ANO2: variants seen among roughly 807,000 people sequenced by gnomAD.
ANO2 encodes the protein anoctamin-2.
In ANO2, 101 loss-of-function variants were observed where a neutral mutation model predicts 124.2. The ratio of observed to expected loss-of-function variants is 0.81; its 90% CI spans 0.69 to 0.96. The LOEUF (loss-of-function observed/expected upper bound fraction) is 0.96, where lower values mean the gene tolerates loss of function less well. Ranked by LOEUF, ANO2 falls within the 40% of genes least tolerant of loss-of-function variation. The pLI, the probability that ANO2 is intolerant of heterozygous loss-of-function variation, is 0.00. For synonymous variants in ANO2, 486 were observed against 482.5 expected, an observed-to-expected ratio of 1.01 and a Z score of -0.09; for missense variants, 1,293 against 1,274.5, an observed-to-expected ratio of 1.01 and a Z score of -0.22.
At chr12:5,673,309 CT>C (rs1948095755) in intron 14 of ANO2, among the ~76,000 whole-genome samples, 1 of 152,164 alleles carries the variant, frequency 6.6e-6, no homozygotes, top group South Asian at 2.1e-4. Flanking sequence ...GGAATCTAGC[CT>C]GCTGACTTTT....
intron 3 of ANO2, among the ~76,000 whole-genome samples, chr12:5,918,542 C>T (rs1016714926): frequency 3.3e-5 from 5 of 151,548 alleles, no homozygotes; most frequent in African/African-American, 1.2e-4. Context: ...CGGGTTCAAG[C>T]GATTCTTCTG....
chr12:5,647,892 T>A lies in ANO2; in HGVS notation c.1546-91A>T, dbSNP rs1406107694. ...TTTGCATATATTTGCATGCGATTGA[T>A]CATTATCACTCTATATAGATATATT... On this transcript the variant is annotated intron_variant, in intron 14 of 24. Transcript: ENST00000682330. The A allele has an allele frequency of 4.5e-6, 4 of 898,848 alleles. No individual in the cohort carries two copies. In the Admixed American group the frequency reaches 8.0e-5, roughly 18 times the overall value. The allele number at this position is 898,848 out of a possible 1,614,324, so 55.7% of individuals were successfully genotyped here.
chr12:5,814,194 G>A (rs1257795852), intron 7 of ANO2, among the ~76,000 whole-genome samples: 1 of 152,220 alleles, frequency 6.6e-6, no homozygotes, highest in Non-Finnish European at 1.5e-5. Context: ...GTCTAGGGAT[G>A]ATAAGAGCTC....
At chr12:5,855,040 A>G (rs1955057524) in intron 3 of ANO2, among the ~76,000 whole-genome samples, 1 of 152,098 alleles carries the variant, frequency 6.6e-6, no homozygotes, top group Non-Finnish European at 1.5e-5. Context: ...AAAACCAAGT[A>G]GGAAAAACTG....
rs535836495 is a variant in ANO2, at chr12:5,906,820, A to AAT, written c.534+14219_534+14220insAT. On this transcript the variant is annotated intron_variant, in intron 3 of 24. Transcript: ENST00000682330. The stretch of plus-strand genomic sequence containing the variant: ...AAATAAATAAATAAATAAATAAATA[A>AAT]AAATAAAATAAATAGAAATAAAAAT... Among the ~76,000 whole-genome samples the AAT allele has an allele frequency of 2.3e-3, 348 of 151,564 alleles. 3 individuals carry two copies. Among genetic ancestry groups the AAT allele is most frequent in the African/African-American group, 8.0e-3 (332 of 41,260 alleles).
intron 3 of ANO2, among the ~76,000 whole-genome samples, chr12:5,885,823 C>A (rs947323952): frequency 1.3e-5 from 2 of 152,168 alleles, no homozygotes; most frequent in Admixed American, 1.3e-4. Context: ...CAGACCCTGA[C>A]CATGAATCAA....
At chr12:5,778,471 C>G (rs902068825) in intron 10 of ANO2, among the ~76,000 whole-genome samples, 5 of 152,190 alleles carry the variant, frequency 3.3e-5, no homozygotes, top group Non-Finnish European at 2.9e-5. Context: ...TGAACAAGTA[C>G]AAATGATGGG....
chr12:5,600,409 T>C (rs778856212), intron 19 of ANO2, among the ~76,000 whole-genome samples: 27 of 152,228 alleles, frequency 1.8e-4, no homozygotes, highest in Admixed American at 2.6e-4. Flanking sequence ...GTTAAGCCTA[T>C]GGCATTTTGT....
intron 10 of ANO2, among the ~76,000 whole-genome samples, chr12:5,766,679 T>C (rs752891083): frequency 8.5e-5 from 13 of 152,322 alleles, no homozygotes; most frequent in South Asian, 8.3e-4. Context: ...CTGTATATTA[T>C]ACTTTGGTTT....
rs534613271 is a variant in ANO2 at position 5,584,134 on chromosome 12, C to A, written c.2234-5616G>T. On this transcript the variant is annotated intron_variant, in intron 20 of 24. Transcript: ENST00000682330. ...GTCATTCCTTAATTTAATGAACACC[C>A]CCCCCCCGCCGCAAGAATATTAATG... 80 of 163,246 alleles carry A rather than the reference C, an allele frequency of 4.9e-4. 1 individual carries two copies. In the Middle Eastern group the frequency reaches 6.9e-3, roughly 14 times the overall value. The allele number at this position is 163,246 out of a possible 1,614,324, so 10.1% of individuals were successfully genotyped here.
chr12:5,804,918 AG>A (rs1249717965), intron 9 of ANO2, among the ~76,000 whole-genome samples: 1 of 152,148 alleles, frequency 6.6e-6, no homozygotes, highest in East Asian at 1.9e-4. Context: ...TTTAAAGGGA[AG>A]GAAGGAAAAA....
At position 5,921,364 on chromosome 12, in the gene ANO2, G is replaced by A. The variant is rs112883650; in HGVS notation, c.210C>T (p.Val70=). The A allele has an allele frequency of 1.7e-4, 273 of 1,613,090 alleles. No homozygotes were observed. The African/African-American group carries it at 2.8e-3, about 17-fold the overall frequency. ...CATTGGCATCCAGATAGTTGTTGAT[G>A]ACCTGGCCAGAGAGAGAGGAGAGGC... ...CGGESTRSSS[V]INNYLDANEP... The change falls in exon 3 of 25, where the codon GTC becomes GTT. Residue 70 remains valine, a splice_region_variant and synonymous_variant. Transcript: ENST00000682330.
intron 15 of ANO2, among the ~76,000 whole-genome samples, chr12:5,638,722 G>C (rs1946174139): frequency 1.3e-5 from 2 of 151,950 alleles, no homozygotes. Flanking sequence ...AACTGGTTTG[G>C]TAAAGATTCG....
chr12:5,674,436 G>A (rs1296097449), intron 14 of ANO2, among the ~76,000 whole-genome samples: 1 of 152,000 alleles, frequency 6.6e-6, no homozygotes, highest in Non-Finnish European at 1.5e-5. Flanking sequence ...CTCTCCCCAC[G>A]CACAACCATG....
Position 5,583,863 on chromosome 12 carries a change from G to C in ANO2, c.2234-5345C>G, listed in dbSNP as rs1942922230. The C allele has an allele frequency of 1.6e-5, 3 of 193,232 alleles. No homozygotes were observed. In the South Asian group the frequency reaches 3.5e-4, roughly 23 times the overall value. The allele number at this position is 193,232 out of a possible 1,614,324, so 12.0% of individuals were successfully genotyped here. A position where few individuals can be genotyped will look rare whatever the true frequency, so the allele number is the denominator to read the frequency against. On this transcript the variant is annotated intron_variant, in intron 20 of 24. Transcript: ENST00000682330. ...GAGGGGAGTGCAGAATATCATCATG[G>C]TGAACAAAGATGGCATTCCCATCAA...
At chr12:5,594,433 T>C (rs956940141) in intron 20 of ANO2, among the ~76,000 whole-genome samples, 1 of 152,246 alleles carries the variant, frequency 6.6e-6, no homozygotes, top group South Asian at 2.1e-4. Context: ...CTACTTCATA[T>C]GGTCTGATGT....
chr12:5,828,091 G>GCTAGAA (rs1161559557), intron 6 of ANO2, among the ~76,000 whole-genome samples: 1 of 152,218 alleles, frequency 6.6e-6, no homozygotes, highest in Non-Finnish European at 1.5e-5. Context: ...GCTAGAAATG[G>GCTAGAA]ACGGCAGTCA....
At chr12:5,826,762 C>T (rs558375913) in intron 7 of ANO2, among the ~76,000 whole-genome samples, 7 of 152,168 alleles carry the variant, frequency 4.6e-5, no homozygotes, top group African/African-American at 1.7e-4. Context: ...CCTGGGTACC[C>T]AGGCAGCTTA....
At chr12:5,933,576 T>C (rs1332988992) in intron 1 of ANO2, among the ~76,000 whole-genome samples, 1 of 152,198 alleles carries the variant, frequency 6.6e-6, no homozygotes, top group Non-Finnish European at 1.5e-5. Flanking sequence ...CTGATACACG[T>C]ACCCTTTATA....
Sources: gnomAD v4.1 joint callset for allele counts (sites outside exome capture counted in the v4.1 genomes callset) on GRCh38, gnomAD v4.1.1 for gene constraint, MANE v1.5 for transcripts, NCBI Gene and HGNC (gene_info 2026-07-23, HGNC 2026-07-21) for gene names.